NDRG3: variants seen among roughly 807,000 people sequenced by gnomAD.
NDRG3 encodes NDRG family member 3.
Under a neutral mutation model 57.2 loss-of-function variants are expected in NDRG3, and 23 were observed. The ratio of observed to expected loss-of-function variants is 0.40; its 90% confidence interval spans 0.29 to 0.57. The LOEUF is 0.57. Among genes scored for constraint, NDRG3 ranks in the 20% least tolerant of loss-of-function variants. NDRG3 has a pLI of 0.42. For missense variants in NDRG3, 384 were observed against 457.3 expected (o/e 0.84, Z 1.46); for synonymous variants, 132 against 162.6 (o/e 0.81, Z 1.43).
In NDRG3 at chr20:36,665,089, G is replaced by A; in HGVS notation, c.767C>T (p.Thr256Ile). ...CGAATTGTCCCCTACCACCAGTAAA[G>A]TAGAACACCTAGGTAGGCAAAGTAA... ...DNKSKTLKCSTLLVVGDNSPA... is the reference protein window; with the variant it reads ...DNKSKTLKCSILLVVGDNSPA... The change falls in exon 12 of 16, where the codon ACT becomes ATT. Residue 256 changes from threonine to isoleucine, a missense_variant. Thr to Ile is a moderately conservative substitution (Grantham distance 89). Transcript: ENST00000349004. 3 of 1,614,128 alleles carry A rather than the reference G, an allele frequency of 1.9e-6. No individual in the cohort carries two copies. In the South Asian group the frequency reaches 3.3e-5, roughly 18 times the overall value.
intron 3 of NDRG3, chr20:36,700,523 C>A (rs756426303): frequency 1.9e-6 from 1 of 528,022 alleles, no homozygotes; most frequent in Non-Finnish European, 3.9e-6. Flanking sequence ...GTGCAGAGAC[C>A]CTGGCTAAGG....
intron 4 of NDRG3, 135 bp from the exon 5 acceptor site, chr20:36,687,747 A>G (rs1478662693): frequency 1.0e-6 from 1 of 994,662 alleles, no homozygotes; most frequent in Non-Finnish European, 1.4e-6. Context: ...TGTCTGAACA[A>G]TCTGTCTGAT....
rs1982029629 is a variant in NDRG3, at chr20:36,688,934, C to CACTT, written c.94-151_94-150insAAGT. The CACTT allele has an allele frequency of 1.2e-5, 8 of 644,790 alleles. No individual in the cohort carries two copies. In the African/African-American group the frequency reaches 1.4e-4, roughly 12 times the overall value. The allele number at this position is 644,790 out of a possible 1,614,324, so 39.9% of individuals were successfully genotyped here. A position where few individuals can be genotyped will look rare whatever the true frequency, so the allele number is the denominator to read the frequency against. On this transcript the variant is annotated intron_variant, in intron 3 of 15. Coordinates refer to ENST00000349004, the MANE Select transcript of NDRG3 (RefSeq NM_032013.4). ...TGTGGCTGGGCGTGGTGGTTCACGCCTGTAATCCCAGCACTTTGGGAGGCC... is the reference window on the plus strand; with the variant it reads ...TGTGGCTGGGCGTGGTGGTTCACGCCACTTTGTAATCCCAGCACTTTGGGAGGCC...
chr20:36,713,114 A>G (rs754762807), intron 2 of NDRG3, among the ~76,000 whole-genome samples: 5 of 152,202 alleles, frequency 3.3e-5, no homozygotes, highest in South Asian at 2.1e-4. Context: ...CATTTTGAAG[A>G]TGCCATTAAT....
At chr20:36,728,178 C>G (rs534624624) in intron 1 of NDRG3, among the ~76,000 whole-genome samples, 1 of 151,726 alleles carries the variant, frequency 6.6e-6, no homozygotes, top group East Asian at 1.9e-4. Flanking sequence ...CTCAGCCTCC[C>G]GAGTAGCTGG....
At chr20:36,704,341 C>T (rs909316924) in intron 3 of NDRG3, among the ~76,000 whole-genome samples, 3 of 152,176 alleles carry the variant, frequency 2.0e-5, no homozygotes, top group African/African-American at 7.2e-5. Context: ...TCCCAAAGTG[C>T]TGGGATTACA....
At chr20:36,709,410 T>C (rs140412914) in intron 2 of NDRG3, among the ~76,000 whole-genome samples, 8 of 152,274 alleles carry the variant, frequency 5.3e-5, no homozygotes, top group South Asian at 2.1e-4. Context: ...TTACCAATCA[T>C]AGAGAGACTG....
chr20:36,738,439 G>C (rs1985721908), intron 1 of NDRG3, among the ~76,000 whole-genome samples: 2 of 148,540 alleles, frequency 1.3e-5, no homozygotes, highest in African/African-American at 5.0e-5. Context: ...AGGTTGCAGT[G>C]AGCCGAGATC....
At chr20:36,742,012 T>G (rs1042462894) in intron 1 of NDRG3, among the ~76,000 whole-genome samples, 1 of 152,234 alleles carries the variant, frequency 6.6e-6, no homozygotes, top group African/African-American at 2.4e-5. Flanking sequence ...AATGTTTTCC[T>G]GTCCTTTTGA....
At chr20:36,695,776 G>A (rs1316394668) in intron 3 of NDRG3, among the ~76,000 whole-genome samples, 1 of 152,130 alleles carries the variant, frequency 6.6e-6, no homozygotes, top group Non-Finnish European at 1.5e-5. Context: ...TTGTGACCTT[G>A]CCCTACCCTT....
chr20:36,684,830 C>G (rs1403286673), intron 5 of NDRG3, among the ~76,000 whole-genome samples: 1 of 146,654 alleles, frequency 6.8e-6, no homozygotes, highest in Non-Finnish European at 1.5e-5. Context: ...GCCTGGGCAA[C>G]AAGAGCAAAA....
chr20:36,685,251 TGTTTCAC>T (rs1399076867), intron 5 of NDRG3, among the ~76,000 whole-genome samples: 7 of 152,104 alleles, frequency 4.6e-5, no homozygotes, highest in Non-Finnish European at 7.3e-5. Flanking sequence ...AATGCTTATT[TGTTTCAC>T]TTAGGCATAG....
At chr20:36,707,103 G>T in intron 2 of NDRG3, 96 bp from the exon 3 acceptor site, 2 of 1,124,178 alleles carry the variant, frequency 1.8e-6, no homozygotes, top group Non-Finnish European at 1.3e-6. Flanking sequence ...TGCATGTGCA[G>T]CCTCTTGGTT....
intron 2 of NDRG3, among the ~76,000 whole-genome samples, chr20:36,709,348 T>C (rs918500653): frequency 2.6e-5 from 4 of 152,160 alleles, no homozygotes; most frequent in African/African-American, 9.7e-5. Context: ...GGAATAACGT[T>C]ATGAAAGAGC....
At chr20:36,693,872 TAGAA>T (rs1447602811) in intron 3 of NDRG3, among the ~76,000 whole-genome samples, 1 of 151,968 alleles carries the variant, frequency 6.6e-6, no homozygotes, top group Non-Finnish European at 1.5e-5. Flanking sequence ...AATGTAATAA[TAGAA>T]AGTGCACAAT....
chr20:36,739,083 C>T (rs1280161592), intron 1 of NDRG3, among the ~76,000 whole-genome samples: 1 of 136,842 alleles, frequency 7.3e-6, no homozygotes, highest in African/African-American at 2.8e-5. Flanking sequence ...TGCAGTAAGC[C>T]GAAATCCTGC....
chr20:36,715,616 G>T (rs1477953618), intron 2 of NDRG3, among the ~76,000 whole-genome samples: 2 of 146,554 alleles, frequency 1.4e-5, no homozygotes, highest in Admixed American at 6.8e-5. Context: ...TCAGGAGTTT[G>T]AGATCAGCGT....
At chr20:36,701,415 T>G (rs1053942217) in intron 3 of NDRG3, among the ~76,000 whole-genome samples, 1 of 151,972 alleles carries the variant, frequency 6.6e-6, no homozygotes, top group African/African-American at 2.4e-5. Context: ...CACGGTGGCA[T>G]GTGCCTGTAG....
At position 36,711,288 on chromosome 20, in the gene NDRG3, AT is replaced by A. The variant is rs549903173; in HGVS notation, c.58-4282del. Among the ~76,000 whole-genome samples, 165 of 150,498 alleles carry A rather than the reference AT, an allele frequency of 1.1e-3. 4 individuals carry two copies. In the South Asian group the frequency reaches 0.029, roughly 27 times the overall value. On this transcript the variant is annotated intron_variant, in intron 2 of 15. Coordinates refer to ENST00000349004, the MANE Select transcript of NDRG3 (RefSeq NM_032013.4). ...TGCGAGACTCCGTCTCAAAAAAAAAATAATAATAATAAATAAATAAATAAAT... is the reference window on the plus strand; with the variant it reads ...TGCGAGACTCCGTCTCAAAAAAAAAAAATAATAATAAATAAATAAATAAAT...
Sources: allele counts gnomAD v4.1 joint callset (sites outside exome capture counted in the v4.1 genomes callset), GRCh38; gene constraint gnomAD v4.1.1; transcripts MANE v1.5; gene names NCBI Gene and HGNC (gene_info 2026-07-23, HGNC 2026-07-21).